ATG7: variants seen among roughly 807,000 people sequenced by gnomAD.
ATG7 encodes the protein autophagy related 7.
A neutral mutation model predicts 82.4 loss-of-function variants in ATG7; 70 were observed. The observed-to-expected ratio is 0.85, with a 90% CI of 0.70 to 1.04. The LOEUF (loss-of-function observed/expected upper bound fraction) is 1.04, where lower values mean the gene tolerates loss of function less well. ATG7 is among the 50% of genes least tolerant of loss of function. The probability of loss-of-function intolerance (pLI) is 0.00; values close to 1 mark genes in which losing one functional copy is unlikely to be tolerated. For synonymous variants in ATG7, 287 were observed against 313.0 expected, an observed-to-expected ratio of 0.92 and a Z score of 0.88; for missense variants, 792 against 864.3, an observed-to-expected ratio of 0.92 and a Z score of 1.05.
chr3:11,550,190 C>T (rs2071645257), intron 20 of ATG7, among the ~76,000 whole-genome samples: 1 of 152,178 alleles, frequency 6.6e-6, no homozygotes, highest in Non-Finnish European at 1.5e-5. Flanking sequence ...CTTCCAAGAT[C>T]AGAAATTTTA....
chr3:11,429,825 G>A (rs900594348), intron 20 of ATG7, among the ~76,000 whole-genome samples: 2 of 151,628 alleles, frequency 1.3e-5, no homozygotes, highest in Non-Finnish European at 2.9e-5. Context: ...ATGTGCGCCT[G>A]TAGTCCCAGC....
chr3:11,458,765 T>C (rs2086005848), intron 20 of ATG7, among the ~76,000 whole-genome samples: 1 of 152,162 alleles, frequency 6.6e-6, no homozygotes, highest in South Asian at 2.1e-4. Context: ...TTTGGCCTAG[T>C]TGAGGGGTCC....
At chr3:11,314,066 T>C (rs1575384987) in intron 8 of ATG7, among the ~76,000 whole-genome samples, 1 of 152,198 alleles carries the variant, frequency 6.6e-6, no homozygotes, top group Admixed American at 6.5e-5. Context: ...TAAGGCAGTA[T>C]AGTCTGGGAA....
At chr3:11,504,508 G>T (rs954315613) in intron 20 of ATG7, among the ~76,000 whole-genome samples, 3 of 152,216 alleles carry the variant, frequency 2.0e-5, no homozygotes. Context: ...AAACAGTAGC[G>T]AAGGGAAGCC....
At chr3:11,295,407 A>G (rs1945709127) in intron 3 of ATG7, among the ~76,000 whole-genome samples, 1 of 152,200 alleles carries the variant, frequency 6.6e-6, no homozygotes, top group East Asian at 1.9e-4. Context: ...AAATGTGGAA[A>G]GCATATTCAG....
At chr3:11,348,317 G>A (rs902132763) in intron 14 of ATG7, 5 of 351,310 alleles carry the variant, frequency 1.4e-5, no homozygotes, top group South Asian at 7.4e-5. Flanking sequence ...GCGGACCTTC[G>A]CAGTGAGTGT....
Position 11,408,858 on chromosome 3 carries a change from C to T in ATG7, c.1957-17946C>T, listed in dbSNP as rs532363793. Reference sequence around the variant, plus strand: ...AGATTTGGGTGGGGACACAGCAAATCCATATTAGTCTCCCAAAATGCTGGG... The same window carrying T: ...AGATTTGGGTGGGGACACAGCAAATTCATATTAGTCTCCCAAAATGCTGGG... On this transcript the variant is annotated intron_variant, in intron 19 of 20. Coordinates refer to ENST00000693202, the MANE Select transcript of ATG7 (RefSeq NM_001349232.2). 2.9e-4 allele frequency among the ~76,000 whole-genome samples: 44 copies of T among 152,272 alleles called. 1 individual carries two copies. Among genetic ancestry groups the T allele is most frequent in the Middle Eastern group, 3.4e-3 (1 of 294 alleles).
intron 3 of ATG7, among the ~76,000 whole-genome samples, chr3:11,294,763 C>T (rs757074981): frequency 2.0e-5 from 3 of 152,122 alleles, no homozygotes; most frequent in East Asian, 1.9e-4. Context: ...CTTCTCTTAT[C>T]GAATCTTCTT....
downstream of ATG7, among the ~76,000 whole-genome samples, chr3:11,559,710 TGTTGA>T (rs2072794705): frequency 6.6e-6 from 1 of 152,190 alleles, no homozygotes; most frequent in Non-Finnish European, 1.5e-5. Flanking sequence ...AAAGCTCAAC[TGTTGA>T]GTTGGTCTGT....
At chr3:11,369,280 C>T (rs76787223) in intron 18 of ATG7, among the ~76,000 whole-genome samples, 2,145 of 151,108 alleles carry the variant, frequency 0.014, 78 homozygotes, top group South Asian at 0.036. Flanking sequence ...TGAGATGCAG[C>T]CCAGGAAAGG....
intron 1 of ATG7, among the ~76,000 whole-genome samples, chr3:11,273,108 A>T (rs1052553222): frequency 6.6e-6 from 1 of 152,248 alleles, no homozygotes. Flanking sequence ...CCTGATTTTT[A>T]AACACTGGCG....
intron 20 of ATG7, among the ~76,000 whole-genome samples, chr3:11,545,063 T>C (rs1409202272): frequency 6.6e-6 from 1 of 152,082 alleles, no homozygotes; most frequent in Admixed American, 6.5e-5. Flanking sequence ...AGAGGAGCTT[T>C]CTAAGCCAAA....
At chr3:11,567,438 A>T in the ATG7 span, among the ~76,000 whole-genome samples, 2 of 152,176 alleles carry the variant, frequency 1.3e-5, no homozygotes, top group African/African-American at 4.8e-5. Context: ...AAAGCAATTA[A>T]GGATTAAATG....
chr3:11,568,884 C>T, the ATG7 span: 48 of 1,331,962 alleles, frequency 3.6e-5, no homozygotes, highest in African/African-American at 1.0e-4. This position sits in a 1 kb window ranked among gnomAD's most constrained non-coding sequence, Gnocchi z 5.9. Flanking sequence ...GCACGGCACC[C>T]GGCCCCGCCC....
intron 20 of ATG7, among the ~76,000 whole-genome samples, chr3:11,519,644 C>T (rs1042382317): frequency 3.7e-4 from 54 of 147,500 alleles, no homozygotes; most frequent in Admixed American, 1.3e-3. Context: ...ACTGCAAGCT[C>T]CCCCTCCCAG....
In ATG7 at chr3:11,523,825, G is replaced by A. The variant is rs373060091; in HGVS notation, c.2080-30986G>A. ...ACATGGAAAAACTAGAAAAAGTGAG[G>A]GGAAATCAGCCAAATGCATAGCAAG... On this transcript the variant is annotated intron_variant, in intron 20 of 20. Coordinates refer to ENST00000693202, the MANE Select transcript of ATG7 (RefSeq NM_001349232.2). Among the ~76,000 whole-genome samples the A allele has an allele frequency of 2.6e-5, 4 of 152,298 alleles. No individual in the cohort carries two copies. The East Asian group carries it at 5.8e-4, about 22-fold the overall frequency.
At chr3:11,276,323 G>A (rs1177439021) in intron 1 of ATG7, among the ~76,000 whole-genome samples, 2 of 152,096 alleles carry the variant, frequency 1.3e-5, no homozygotes, top group African/African-American at 4.8e-5. Context: ...CTCTATTTGT[G>A]CTTGAGATCC....
At chr3:11,293,862 A>C (rs570731664) in intron 3 of ATG7, among the ~76,000 whole-genome samples, 12 of 151,404 alleles carry the variant, frequency 7.9e-5, no homozygotes, top group Non-Finnish European at 1.5e-4. Context: ...AGAGAAAAAA[A>C]AAAACATTAG....
the ATG7 span, among the ~76,000 whole-genome samples, chr3:11,570,883 C>G: frequency 6.6e-6 from 1 of 152,324 alleles, no homozygotes; most frequent in South Asian, 2.1e-4. Flanking sequence ...CTTCTCTCCC[C>G]TTGTGAGTGG....
Sources: gnomAD v4.1 joint callset for allele counts (sites outside exome capture counted in the v4.1 genomes callset) on GRCh38, gnomAD v4.1.1 for gene constraint, Gnocchi (gnomAD v3.1) non-coding constraint, MANE v1.5 for transcripts, NCBI Gene and HGNC (gene_info 2026-07-23, HGNC 2026-07-21) for gene names.